Variants in MARCHF1 observed in about 807,000 individuals in gnomAD.
MARCHF1 encodes membrane associated ring-CH-type finger 1, also known as E3 ubiquitin-protein ligase MARCHF1.
Under a neutral mutation model 54.2 loss-of-function variants are expected in MARCHF1, and 40 were observed. The observed-to-expected ratio is 0.74, with a 90% confidence interval of 0.57 to 0.96. The LOEUF (loss-of-function observed/expected upper bound fraction) is 0.96. MARCHF1 is among the 40% of genes least tolerant of loss of function. The pLI, the probability that MARCHF1 is intolerant of heterozygous loss-of-function variation, is 0.00. For missense variants in MARCHF1, 586 were observed against 656.5 expected, an observed-to-expected ratio of 0.89 and a Z score of 1.17; for synonymous variants, 236 against 236.3, an observed-to-expected ratio of 1.00 and a Z score of 0.01.
At chr4:163,607,280 G>A (rs1204326516) in intron 7 of MARCHF1, among the ~76,000 whole-genome samples, 1 of 152,034 alleles carries the variant, frequency 6.6e-6, no homozygotes. Context: ...TGGTGGAGAT[G>A]GAAAGTGTAG....
chr4:164,012,067 C>A (rs532133496), intron 2 of MARCHF1, among the ~76,000 whole-genome samples: 26 of 152,286 alleles, frequency 1.7e-4, no homozygotes, highest in African/African-American at 6.0e-4. Flanking sequence ...GCAGGAAAAA[C>A]CTCAGTCGTA....
intron 1 of MARCHF1, among the ~76,000 whole-genome samples, chr4:164,137,311 A>C (rs933908200): frequency 9.2e-5 from 14 of 152,178 alleles, no homozygotes; most frequent in African/African-American, 3.4e-4. Context: ...TACTTACTAG[A>C]CTGAAACTCC....
intron 1 of MARCHF1, among the ~76,000 whole-genome samples, chr4:164,220,565 CTATATATGTAATACATATGATATATG>C (rs1302636884): frequency 1.3e-4 from 18 of 140,136 alleles, no homozygotes; most frequent in South Asian, 2.2e-4. Context: ...TGATATATAT[CTATATATGTAATACATATGATATATG>C]TATATATGTA....
At chr4:164,190,573 G>A (rs1486216125) in intron 1 of MARCHF1, among the ~76,000 whole-genome samples, 1 of 147,018 alleles carries the variant, frequency 6.8e-6, no homozygotes. Flanking sequence ...CCTGGGTTAG[G>A]GTGTGTGTTC....
intron 4 of MARCHF1, among the ~76,000 whole-genome samples, chr4:163,806,193 A>G (rs1748220290): frequency 6.6e-6 from 1 of 152,246 alleles, no homozygotes; most frequent in African/African-American, 2.4e-5. Context: ...CCCAAACAAC[A>G]TTATAAGCAA....
At chr4:163,644,497 G>A (rs1266158428) in intron 5 of MARCHF1, among the ~76,000 whole-genome samples, 1 of 152,108 alleles carries the variant, frequency 6.6e-6, no homozygotes, top group Non-Finnish European at 1.5e-5. Flanking sequence ...GGACCCAGAG[G>A]GAGACACACC....
At chr4:164,208,595 G>C (rs1323782827) in intron 1 of MARCHF1, among the ~76,000 whole-genome samples, 2 of 152,184 alleles carry the variant, frequency 1.3e-5, no homozygotes, top group African/African-American at 2.4e-5. Flanking sequence ...ATGGATAAAT[G>C]ATCAAGCAAG....
intron 7 of MARCHF1, among the ~76,000 whole-genome samples, chr4:163,592,820 C>T (rs1454382960): frequency 6.6e-6 from 1 of 151,998 alleles, no homozygotes; most frequent in Non-Finnish European, 1.5e-5. Context: ...TGGGCCGGAG[C>T]CTCTTTGAAG....
chr4:163,732,858 A>C (rs1478563421), intron 4 of MARCHF1, among the ~76,000 whole-genome samples: 1 of 152,116 alleles, frequency 6.6e-6, no homozygotes, highest in East Asian at 1.9e-4. Flanking sequence ...ACACTATAAG[A>C]AATGTTAAAG....
intron 3 of MARCHF1, among the ~76,000 whole-genome samples, chr4:163,970,762 A>T (rs1452257064): frequency 6.6e-6 from 1 of 152,230 alleles, no homozygotes. Flanking sequence ...ATATTTCCCC[A>T]GGTCAACTCT....
At chr4:163,766,065 A>G (rs1746968720) in intron 4 of MARCHF1, among the ~76,000 whole-genome samples, 1 of 151,570 alleles carries the variant, frequency 6.6e-6, no homozygotes, top group Non-Finnish European at 1.5e-5. Context: ...GAGTTCTCAC[A>G]TGAGTATGCA....
At chr4:164,366,897 A>AT (rs952628346) in intron 1 of MARCHF1, among the ~76,000 whole-genome samples, 39 of 142,012 alleles carry the variant, frequency 2.7e-4, no homozygotes, top group African/African-American at 9.5e-4. Context: ...TTTACTCATT[A>AT]TTTATGTCAT....
intron 4 of MARCHF1, among the ~76,000 whole-genome samples, chr4:163,771,107 T>C (rs565371140): frequency 2.4e-4 from 37 of 152,358 alleles, no homozygotes; most frequent in African/African-American, 8.9e-4. Flanking sequence ...TATGTACTTT[T>C]AGTTATTCCT....
intron 1 of MARCHF1, among the ~76,000 whole-genome samples, chr4:164,259,544 CAA>C (rs141030578): frequency 2.2e-4 from 13 of 58,960 alleles, no homozygotes; most frequent in Middle Eastern, 0.016. Context: ...GACCGTGTCT[CAA>C]AAAAAAAAAA....
intron 1 of MARCHF1, among the ~76,000 whole-genome samples, chr4:164,312,958 G>A (rs1392726066): frequency 6.6e-6 from 1 of 152,088 alleles, no homozygotes; most frequent in Non-Finnish European, 1.5e-5. Context: ...TTCTCTGAAA[G>A]TCAGTACTCA....
intron 5 of MARCHF1, among the ~76,000 whole-genome samples, chr4:163,620,606 CAGAGAGAGAGAGAGAG>C (rs138054709): frequency 5.3e-3 from 300 of 56,916 alleles, no homozygotes; most frequent in Middle Eastern, 0.011. Context: ...CACACACACA[CAGAGAGAGAGAGAGAG>C]AGAGAGAGAG....
At position 163,860,954 on chromosome 4, in the gene MARCHF1, A is replaced by G. The variant is rs188450262; in HGVS notation, c.-38-6785T>C. The stretch of plus-strand genomic sequence containing the variant: ...GAAGCATGCTAGAAAGCTGGCAAAA[A>G]CAGTGAAGAGATATAAAAAAAGCAC... On this transcript the variant is annotated intron_variant, in intron 3 of 9. Transcript: ENST00000514618. 3.2e-4 allele frequency among the ~76,000 whole-genome samples: 48 copies of G among 152,312 alleles called. No homozygotes were observed. In the East Asian group the frequency reaches 8.7e-3, roughly 28 times the overall value.
chr4:164,240,734 T>C (rs1033252240), intron 1 of MARCHF1, among the ~76,000 whole-genome samples: 3 of 152,076 alleles, frequency 2.0e-5, no homozygotes, highest in African/African-American at 7.2e-5. Context: ...ACAAACTGAC[T>C]ATGGGAAAAA....
intron 1 of MARCHF1, among the ~76,000 whole-genome samples, chr4:164,259,544 C>CAAAAAAAAAAAAAAAAAAAAAAAAA (rs141030578): frequency 1.7e-5 from 1 of 58,956 alleles, no homozygotes; most frequent in African/African-American, 5.5e-5. Context: ...GACCGTGTCT[C>CAAAAAAAAAAAAAAAAAAAAAAAAA]AAAAAAAAAA....
Sources: gnomAD v4.1 joint callset for allele counts (sites outside exome capture counted in the v4.1 genomes callset) on GRCh38, gnomAD v4.1.1 for gene constraint, MANE v1.5 for transcripts, NCBI Gene and HGNC (gene_info 2026-07-23, HGNC 2026-07-21) for gene names.